Variants in GALNTL6 observed in about 807,000 individuals in gnomAD.
GALNTL6 encodes polypeptide N-acetylgalactosaminyltransferase-like 6.
In GALNTL6, 46 loss-of-function variants were observed where a neutral mutation model predicts 73.7. The observed-to-expected ratio is 0.62, with a 90% CI of 0.49 to 0.80. The LOEUF (loss-of-function observed/expected upper bound fraction) is 0.80. GALNTL6 is among the 30% of genes least tolerant of loss of function. The pLI, the probability that GALNTL6 is intolerant of heterozygous loss-of-function variation, is 0.00. For missense variants in GALNTL6, 604 were observed against 755.0 expected (o/e 0.80, Z 2.34); for synonymous variants, 259 against 263.7 (o/e 0.98, Z 0.17).
chr4:172,655,353 T>G (rs1422723421), intron 5 of GALNTL6, among the ~76,000 whole-genome samples: 1 of 152,194 alleles, frequency 6.6e-6, no homozygotes, highest in Non-Finnish European at 1.5e-5. Context: ...CCATCAAATC[T>G]AAAGCCTTTT....
intron 2 of GALNTL6, among the ~76,000 whole-genome samples, chr4:172,209,342 C>A (rs1040166650): frequency 2.0e-5 from 3 of 151,488 alleles, no homozygotes; most frequent in Admixed American, 6.6e-5. Flanking sequence ...TTAATAGTTC[C>A]CTCCACAAAA....
At chr4:172,804,892 C>T (rs1442090374) in intron 5 of GALNTL6, among the ~76,000 whole-genome samples, 1 of 151,974 alleles carries the variant, frequency 6.6e-6, no homozygotes, top group Non-Finnish European at 1.5e-5. Flanking sequence ...TTTGACTAGC[C>T]CTGTGGTACA....
intron 5 of GALNTL6, among the ~76,000 whole-genome samples, chr4:172,515,540 G>A (rs756720683): frequency 2.6e-5 from 4 of 152,340 alleles, no homozygotes; most frequent in East Asian, 1.9e-4. Context: ...ATTCATTTGC[G>A]TTCAATTTAA....
intron 5 of GALNTL6, among the ~76,000 whole-genome samples, chr4:172,793,200 T>C (rs766094940): frequency 1.3e-5 from 2 of 152,218 alleles, no homozygotes; most frequent in Non-Finnish European, 2.9e-5. Context: ...TTCAGTTTTA[T>C]TAACTAATGT....
intron 2 of GALNTL6, among the ~76,000 whole-genome samples, chr4:172,164,848 A>G (rs1171037538): frequency 6.6e-6 from 1 of 152,128 alleles, no homozygotes; most frequent in Non-Finnish European, 1.5e-5. Flanking sequence ...AGGCTCTTCC[A>G]GAATTCATCT....
At chr4:171,835,182 ATTTTT>A (rs1735068431) in intron 2 of GALNTL6, among the ~76,000 whole-genome samples, 1 of 151,974 alleles carries the variant, frequency 6.6e-6, no homozygotes, top group Non-Finnish European at 1.5e-5. Flanking sequence ...ATGGCTTTCT[ATTTTT>A]ATTTCTGCAA....
intron 10 of GALNTL6, among the ~76,000 whole-genome samples, chr4:172,965,990 T>C (rs758613324): frequency 6.6e-6 from 1 of 152,224 alleles, no homozygotes; most frequent in African/African-American, 2.4e-5. Flanking sequence ...AGAATGACAC[T>C]AAATTAATAG....
At chr4:171,935,115 G>A (rs1738302188) in intron 2 of GALNTL6, among the ~76,000 whole-genome samples, 1 of 152,094 alleles carries the variant, frequency 6.6e-6, no homozygotes, top group Non-Finnish European at 1.5e-5. Flanking sequence ...ACCCTAAGTT[G>A]CTTGGGCAGT....
In GALNTL6 at chr4:172,032,480, A is replaced by C. The variant is rs574797328; in HGVS notation, c.139-197176A>C. ...ATATGTAAGCTCTGAAGAGAATGTT[A>C]TCATTGACTATAATATGGGCTGATG... On this transcript the variant is annotated intron_variant, in intron 2 of 12. Transcript: ENST00000506823. Among the ~76,000 whole-genome samples the C allele has an allele frequency of 3.3e-5, 5 of 152,202 alleles. No individual in the cohort carries two copies. In the South Asian group the frequency reaches 1.0e-3, roughly 32 times the overall value.
rs112150756 is a variant in GALNTL6 at position 172,525,075 on chromosome 4, T to C, written c.553+176386T>C. ...ATTGCTTTGCAGTTACATAAATCAA[T>C]TGTCTATTTCTAAATTCTTTATTAT... On this transcript the variant is annotated intron_variant, in intron 5 of 12. Transcript: ENST00000506823. 7.5e-3 allele frequency among the ~76,000 whole-genome samples: 1,139 copies of C among 152,312 alleles called. 17 individuals are homozygous for C. Among genetic ancestry groups the C allele is most frequent in the African/African-American group, 0.026 (1,070 of 41,578 alleles).
intron 2 of GALNTL6, among the ~76,000 whole-genome samples, chr4:172,193,977 A>G (rs1960679): frequency 0.061 from 9,347 of 152,298 alleles, 303 homozygotes; most frequent in South Asian, 0.11. Flanking sequence ...AAAACTGGAC[A>G]GAAGCTGAGA....
intron 2 of GALNTL6, among the ~76,000 whole-genome samples, chr4:172,191,894 T>A (rs1735599507): frequency 6.6e-6 from 1 of 152,180 alleles, no homozygotes; most frequent in Non-Finnish European, 1.5e-5. Context: ...ATTCAGCATT[T>A]TATCACTTCT....
intron 2 of GALNTL6, among the ~76,000 whole-genome samples, chr4:171,850,137 T>C (rs2110859014): frequency 6.6e-6 from 1 of 152,276 alleles, no homozygotes; most frequent in Non-Finnish European, 1.5e-5. Flanking sequence ...GGCTAATTTT[T>C]GTATTTGTAT....
At chr4:171,987,854 C>G (rs781200637) in intron 2 of GALNTL6, among the ~76,000 whole-genome samples, 9 of 151,914 alleles carry the variant, frequency 5.9e-5, no homozygotes, top group African/African-American at 1.7e-4. Flanking sequence ...ATGTCAGGCG[C>G]ATCAGAGAGA....
chr4:172,321,739 T>C (rs1740761965), intron 4 of GALNTL6, among the ~76,000 whole-genome samples: 1 of 152,140 alleles, frequency 6.6e-6, no homozygotes, highest in African/African-American at 2.4e-5. Context: ...GAAATATCAA[T>C]GTTACAAAAG....
At chr4:172,793,978 T>C (rs901016071) in intron 5 of GALNTL6, among the ~76,000 whole-genome samples, 5 of 152,140 alleles carry the variant, frequency 3.3e-5, no homozygotes, top group East Asian at 1.9e-4. Context: ...TATTGCTTGG[T>C]AAAAAAATTT....
At chr4:172,848,214 A>T (rs1743619300) in intron 7 of GALNTL6, among the ~76,000 whole-genome samples, 1 of 152,156 alleles carries the variant, frequency 6.6e-6, no homozygotes, top group South Asian at 2.1e-4. Flanking sequence ...CCTCTTCCAG[A>T]AGAAATACTA....
At chr4:172,671,859 T>G (rs1457498071) in intron 5 of GALNTL6, among the ~76,000 whole-genome samples, 3 of 151,942 alleles carry the variant, frequency 2.0e-5, no homozygotes, top group African/African-American at 7.3e-5. Context: ...GTTTGTTTGG[T>G]TTTTTGTTTT....
At chr4:172,998,689 T>A (rs2126471658) in intron 10 of GALNTL6, among the ~76,000 whole-genome samples, 1 of 152,256 alleles carries the variant, frequency 6.6e-6, no homozygotes, top group Non-Finnish European at 1.5e-5. Context: ...ACTGGATCCC[T>A]CTATGAAATT....
Sources: allele counts gnomAD v4.1 joint callset (sites outside exome capture counted in the v4.1 genomes callset), GRCh38; gene constraint gnomAD v4.1.1; transcripts MANE v1.5; gene names NCBI Gene and HGNC (gene_info 2026-07-23, HGNC 2026-07-21).